Variants in ABCA13 observed in about 807,000 individuals in gnomAD.
The protein encoded by ABCA13 is ATP binding cassette subfamily A member 13.
In ABCA13, 476 loss-of-function variants were observed where a neutral mutation model predicts 478.7. The observed-to-expected ratio is 0.99, with a 90% CI of 0.92 to 1.07. ABCA13 has a LOEUF of 1.07. ABCA13 is among the 50% of genes least tolerant of loss of function. ABCA13 has a pLI of 0.00. For missense variants in ABCA13, 6,060 were observed against 5,910.6 expected (o/e 1.03, Z -0.83); for synonymous variants, 2,252 against 2,158.9 (o/e 1.04, Z -1.20).
chr7:48,394,747 T>C (rs940783633), intron 38 of ABCA13, among the ~76,000 whole-genome samples: 1 of 152,102 alleles, frequency 6.6e-6, no homozygotes, highest in Non-Finnish European at 1.5e-5. Context: ...GTTACATGAG[T>C]AAGTTCTTTA....
chr7:48,277,067 G>A (rs1002964737), intron 17 of ABCA13, among the ~76,000 whole-genome samples: 1 of 152,184 alleles, frequency 6.6e-6, no homozygotes, highest in Non-Finnish European at 1.5e-5. Flanking sequence ...TGAAAAGGCT[G>A]GAGGGAAATT....
intron 7 of ABCA13, 109 bp downstream of exon 7, chr7:48,230,064 T>A: frequency 7.7e-7 from 1 of 1,304,050 alleles, no homozygotes; most frequent in Non-Finnish European, 1.0e-6. Flanking sequence ...AATTAAAATT[T>A]CAAATTCAAA....
chr7:48,559,219 C>T (rs55977086), intron 55 of ABCA13, among the ~76,000 whole-genome samples: 4,190 of 152,178 alleles, frequency 0.028, 190 homozygotes, highest in African/African-American at 0.095. Flanking sequence ...TATTTTGCTG[C>T]GGCTAAGCTG....
chr7:48,577,698 T>C (rs1788314277), intron 55 of ABCA13, among the ~76,000 whole-genome samples: 1 of 150,932 alleles, frequency 6.6e-6, no homozygotes, highest in Admixed American at 6.7e-5. Flanking sequence ...AGAAAATAGA[T>C]ACAGAACAAT....
At chr7:48,345,988 C>T (rs563807036) in intron 29 of ABCA13, among the ~76,000 whole-genome samples, 3 of 152,300 alleles carry the variant, frequency 2.0e-5, no homozygotes, top group East Asian at 1.9e-4. Context: ...TCCTTACCAT[C>T]GTGTTACAAT....
intron 3 of ABCA13, among the ~76,000 whole-genome samples, chr7:48,209,370 C>T (rs1290432391): frequency 6.6e-6 from 1 of 151,958 alleles, no homozygotes; most frequent in Non-Finnish European, 1.5e-5. Flanking sequence ...CAGGGTAATA[C>T]TGGCACTGCA....
chr7:48,574,209 T>G (rs1329075962), intron 55 of ABCA13, among the ~76,000 whole-genome samples: 3 of 152,122 alleles, frequency 2.0e-5, no homozygotes, highest in Non-Finnish European at 2.9e-5. Flanking sequence ...GATGATTCTG[T>G]TTTACTTCAA....
At chr7:48,294,602 G>T (rs991357860) in intron 20 of ABCA13, among the ~76,000 whole-genome samples, 10 of 151,024 alleles carry the variant, frequency 6.6e-5, no homozygotes, top group African/African-American at 2.2e-4. Context: ...GCCCGCCACC[G>T]CGCCCGGCTA....
intron 41 of ABCA13, among the ~76,000 whole-genome samples, chr7:48,416,374 G>A (rs1360834496): frequency 6.6e-6 from 1 of 152,092 alleles, no homozygotes; most frequent in Non-Finnish European, 1.5e-5. Context: ...TGCACCCCCT[G>A]GGGTGCTGAG....
At chr7:48,281,513 T>G in intron 19 of ABCA13, 61 bp downstream of exon 19, 1 of 1,417,210 alleles carries the variant, frequency 7.1e-7, no homozygotes, top group South Asian at 1.2e-5. Flanking sequence ...AGAACTCAGG[T>G]GTCAGAGAGA....
At chr7:48,279,950 T>G (rs1796810597) in intron 18 of ABCA13, 30 bp downstream of exon 18, 2 of 1,497,916 alleles carry the variant, frequency 1.3e-6, no homozygotes, top group South Asian at 1.5e-5. Context: ...CACTTTGTTT[T>G]TTTCTCTACC....
chr7:48,317,016 A>C (rs1802688697), intron 26 of ABCA13, 141 bp from the exon 27 acceptor site: 1 of 964,112 alleles, frequency 1.0e-6, no homozygotes, highest in South Asian at 1.7e-5. Context: ...AAACTATAGC[A>C]CTCCCAAAGT....
chr7:48,544,706 G>A (rs1449904318), intron 55 of ABCA13, among the ~76,000 whole-genome samples: 2 of 151,762 alleles, frequency 1.3e-5, no homozygotes, highest in Non-Finnish European at 2.9e-5. Flanking sequence ...ATGCAAATAA[G>A]TGTTTCCCTG....
intron 5 of ABCA13, among the ~76,000 whole-genome samples, chr7:48,226,491 T>C (rs1788227849): frequency 1.3e-5 from 2 of 152,196 alleles, no homozygotes; most frequent in African/African-American, 4.8e-5. Flanking sequence ...TTTAACTCTA[T>C]CTCATCTGAA....
At chr7:48,185,092 A>G (rs1316658850) in intron 1 of ABCA13, among the ~76,000 whole-genome samples, 16 of 152,146 alleles carry the variant, frequency 1.1e-4, no homozygotes, top group African/African-American at 3.6e-4. Context: ...TTTTTATATG[A>G]TGATGACAAA....
intron 42 of ABCA13, among the ~76,000 whole-genome samples, chr7:48,454,530 G>A (rs2129692123): frequency 6.6e-6 from 1 of 152,318 alleles, no homozygotes; most frequent in African/African-American, 2.4e-5. Flanking sequence ...GAGGCGCAGT[G>A]GGCAGGCGCC....
At chr7:48,262,977 G>A (rs545700287) in intron 15 of ABCA13, among the ~76,000 whole-genome samples, 1 of 151,896 alleles carries the variant, frequency 6.6e-6, no homozygotes, top group Admixed American at 6.6e-5. Flanking sequence ...CACAGACATG[G>A]GTAAGGTGAG....
At chr7:48,175,055 A>T (rs1350908264) in intron 1 of ABCA13, among the ~76,000 whole-genome samples, 1 of 152,218 alleles carries the variant, frequency 6.6e-6, no homozygotes, top group Non-Finnish European at 1.5e-5. Flanking sequence ...GGTGGAGATC[A>T]GTTGACAATG....
At chr7:48,429,137 A>C (rs954035294) in intron 42 of ABCA13, among the ~76,000 whole-genome samples, 1 of 152,232 alleles carries the variant, frequency 6.6e-6, no homozygotes, top group African/African-American at 2.4e-5. Flanking sequence ...TATTTTGATT[A>C]CCAAATATTT....
Sources: allele counts gnomAD v4.1 joint callset (sites outside exome capture counted in the v4.1 genomes callset), GRCh38; gene constraint gnomAD v4.1.1; transcripts MANE v1.5; gene names NCBI Gene and HGNC (gene_info 2026-07-23, HGNC 2026-07-21).